SLC2A13: variants seen among roughly 807,000 people sequenced by gnomAD.
SLC2A13 encodes the protein proton myo-inositol cotransporter.
In SLC2A13, 32 loss-of-function variants were observed where a neutral mutation model predicts 64.4. The ratio of observed to expected loss-of-function variants is 0.50; its 90% CI spans 0.37 to 0.67. The LOEUF is 0.67. SLC2A13 is among the 30% of genes least tolerant of loss of function. The pLI is 0.00. For synonymous variants in SLC2A13, 338 were observed against 327.1 expected (o/e 1.03, Z -0.36); for missense variants, 743 against 829.2 (o/e 0.90, Z 1.28).
chr12:40,102,063 T>C (rs774194171), intron 1 of SLC2A13, among the ~76,000 whole-genome samples: 2 of 152,232 alleles, frequency 1.3e-5, no homozygotes, highest in Admixed American at 6.5e-5. Flanking sequence ...TATCCCACTG[T>C]AGAACTTTCC....
chr12:39,874,556 A>G (rs1194184044), intron 4 of SLC2A13, among the ~76,000 whole-genome samples: 2 of 150,550 alleles, frequency 1.3e-5, no homozygotes, highest in Non-Finnish European at 3.0e-5. Flanking sequence ...CGAAGATTGC[A>G]GTGAGCCAAG....
At chr12:39,832,185 G>C (rs746007722) in intron 6 of SLC2A13, among the ~76,000 whole-genome samples, 14 of 152,070 alleles carry the variant, frequency 9.2e-5, no homozygotes, top group Non-Finnish European at 1.5e-4. Context: ...ACAACTGAAG[G>C]CTTTAGAAGT....
intron 7 of SLC2A13, among the ~76,000 whole-genome samples, chr12:39,785,180 A>G (rs747848878): frequency 6.6e-6 from 1 of 152,142 alleles, no homozygotes; most frequent in Non-Finnish European, 1.5e-5. Context: ...AGCCCCTCCC[A>G]TCACAGGACC....
At chr12:39,883,487 T>C (rs1329189651) in intron 4 of SLC2A13, among the ~76,000 whole-genome samples, 1 of 152,184 alleles carries the variant, frequency 6.6e-6, no homozygotes, top group African/African-American at 2.4e-5. Flanking sequence ...TGTGTCCATC[T>C]AACACCTCAT....
intron 3 of SLC2A13, among the ~76,000 whole-genome samples, chr12:39,965,184 C>T (rs888593272): frequency 6.6e-6 from 1 of 152,138 alleles, no homozygotes; most frequent in Non-Finnish European, 1.5e-5. Context: ...ACAATCCCTT[C>T]AATTTTCTTT....
intron 7 of SLC2A13, among the ~76,000 whole-genome samples, chr12:39,820,738 T>C (rs1942475099): frequency 1.8e-4 from 1 of 5,522 alleles, no homozygotes; most frequent in Non-Finnish European, 3.0e-4. Flanking sequence ...TATATATATA[T>C]ATATATATAT....
intron 3 of SLC2A13, among the ~76,000 whole-genome samples, chr12:40,000,339 C>T (rs980039125): frequency 6.6e-6 from 1 of 152,132 alleles, no homozygotes; most frequent in Non-Finnish European, 1.5e-5. Flanking sequence ...AACTTACAGG[C>T]TGTAACAGGC....
chr12:39,908,564 GGGGA>G (rs1353555655), intron 4 of SLC2A13, among the ~76,000 whole-genome samples: 1 of 151,836 alleles, frequency 6.6e-6, no homozygotes, highest in Non-Finnish European at 1.5e-5. Context: ...AAGGCAAGGC[GGGGA>G]GGGGAGGGGA....
rs371447290 is a variant in SLC2A13, at chr12:39,788,336, G to A, written c.1446-23478C>T. On this transcript the variant is annotated intron_variant, in intron 7 of 9. Transcript: ENST00000280871. ...TCTTGTGCTTTGGGGCCATTATTAA[G>A]TAACAAATAAGGGTTACTTGAACAC... Among the ~76,000 whole-genome samples the A allele has an allele frequency of 2.6e-5, 4 of 152,206 alleles. No homozygotes were observed. In the South Asian group the frequency reaches 6.2e-4, roughly 24 times the overall value.
intron 3 of SLC2A13, among the ~76,000 whole-genome samples, chr12:39,984,499 A>G (rs1487533695): frequency 1.3e-5 from 2 of 152,132 alleles, no homozygotes; most frequent in Non-Finnish European, 1.5e-5. Context: ...TGGTACCAAA[A>G]CTAGATTACA....
chr12:39,813,044 C>A (rs1942236561), intron 7 of SLC2A13, among the ~76,000 whole-genome samples: 1 of 89,726 alleles, frequency 1.1e-5, no homozygotes, highest in South Asian at 4.5e-4. Context: ...GGGGTTTCAC[C>A]ATGTTGGCCA....
chr12:39,852,413 G>A (rs1943494702), intron 6 of SLC2A13, among the ~76,000 whole-genome samples: 1 of 152,140 alleles, frequency 6.6e-6, no homozygotes, highest in African/African-American at 2.4e-5. Flanking sequence ...AAATTCCTGT[G>A]ACAAATCTGT....
chr12:39,895,308 G>T (rs1033136317), intron 4 of SLC2A13, among the ~76,000 whole-genome samples: 5 of 151,452 alleles, frequency 3.3e-5, no homozygotes, highest in African/African-American at 1.2e-4. Flanking sequence ...GGCTAATACG[G>T]GGAAATCCCG....
At chr12:39,827,283 G>C (rs1942722719) in intron 7 of SLC2A13, among the ~76,000 whole-genome samples, 1 of 152,060 alleles carries the variant, frequency 6.6e-6, no homozygotes, top group Admixed American at 6.6e-5. Context: ...AAAGGCTCTT[G>C]GTTTTGCTTT....
At chr12:40,085,794 A>G (rs1341373263) in intron 1 of SLC2A13, among the ~76,000 whole-genome samples, 2 of 152,200 alleles carry the variant, frequency 1.3e-5, no homozygotes, top group East Asian at 3.8e-4. Flanking sequence ...TGACTTATCT[A>G]AAATCACATA....
intron 7 of SLC2A13, among the ~76,000 whole-genome samples, chr12:39,797,739 C>CACAT (rs147002487): frequency 0.085 from 2,525 of 29,772 alleles, 60 homozygotes; most frequent in Non-Finnish European, 0.099. Context: ...CACACACACA[C>CACAT]ACACACACAC....
At chr12:39,847,250 A>G (rs1943343952) in intron 6 of SLC2A13, among the ~76,000 whole-genome samples, 1 of 151,876 alleles carries the variant, frequency 6.6e-6, no homozygotes, top group Non-Finnish European at 1.5e-5. Context: ...CCCTAGCTGT[A>G]CTGTTGTAGC....
intron 3 of SLC2A13, among the ~76,000 whole-genome samples, chr12:39,979,159 A>G (rs372067345): frequency 4.1e-5 from 6 of 147,992 alleles, no homozygotes; most frequent in African/African-American, 7.5e-5. Context: ...CATCCACACC[A>G]AAAACCCATC....
At chr12:39,962,426 T>A (rs894421551) in intron 3 of SLC2A13, among the ~76,000 whole-genome samples, 9 of 152,234 alleles carry the variant, frequency 5.9e-5, no homozygotes, top group African/African-American at 2.2e-4. Context: ...CAAATGCCTC[T>A]CTGGCAGAAT....
Sources: gnomAD v4.1 joint callset for allele counts (sites outside exome capture counted in the v4.1 genomes callset) on GRCh38, gnomAD v4.1.1 for gene constraint, MANE v1.5 for transcripts, NCBI Gene and HGNC (gene_info 2026-07-23, HGNC 2026-07-21) for gene names.